Variants in NLN observed in about 807,000 individuals in gnomAD.
NLN encodes the protein neurolysin, mitochondrial.
Under a neutral mutation model 79.9 loss-of-function variants are expected in NLN, and 64 were observed. The ratio of observed to expected loss-of-function variants is 0.80; its 90% confidence interval spans 0.65 to 0.99. The LOEUF (loss-of-function observed/expected upper bound fraction) is 0.99. Among genes scored for constraint, NLN ranks in the 50% least tolerant of loss-of-function variants. NLN has a pLI of 0.00. For missense variants in NLN, 835 were observed against 858.7 expected, an observed-to-expected ratio of 0.97 and a Z score of 0.34; for synonymous variants, 267 against 296.6, an observed-to-expected ratio of 0.90 and a Z score of 1.02.
chr5:65,777,593 CTGGT>C, intron 4 of NLN, 59 bp downstream of exon 4: 1 of 1,131,412 alleles, frequency 8.8e-7, no homozygotes, highest in Non-Finnish European at 1.3e-6. Context: ...AAACAAAATA[CTGGT>C]TGAACATCCC....
chr5:65,764,554 T>G (rs1759411169), intron 3 of NLN, among the ~76,000 whole-genome samples: 1 of 152,214 alleles, frequency 6.6e-6, no homozygotes, highest in South Asian at 2.1e-4. Flanking sequence ...AAATTTTCTA[T>G]AGTTTTGGGA....
At chr5:65,765,304 G>T (rs1314163058) in intron 3 of NLN, among the ~76,000 whole-genome samples, 1 of 152,154 alleles carries the variant, frequency 6.6e-6, no homozygotes, top group Non-Finnish European at 1.5e-5. Context: ...GATCACGGGA[G>T]GTCAGAAGTT....
rs528694423 is a variant in NLN at position 65,781,926 on chromosome 5, T to A, written c.822+505T>A. Reference sequence around the variant, plus strand: ...TCTTCCTGGTTGTAGCTTCTCATAATCCAGCAAACTATAAAAGGAAGACAA... The same window carrying A: ...TCTTCCTGGTTGTAGCTTCTCATAAACCAGCAAACTATAAAAGGAAGACAA... On this transcript the variant is annotated intron_variant, in intron 6 of 12. Coordinates refer to ENST00000380985, the MANE Select transcript of NLN (RefSeq NM_020726.5). Among the ~76,000 whole-genome samples the A allele has an allele frequency of 2.0e-5, 3 of 152,112 alleles. No homozygotes were observed. In the South Asian group the frequency reaches 6.2e-4, roughly 32 times the overall value.
At chr5:65,768,703 G>C (rs1357451989) in intron 3 of NLN, among the ~76,000 whole-genome samples, 1 of 152,228 alleles carries the variant, frequency 6.6e-6, no homozygotes, top group African/African-American at 2.4e-5. Flanking sequence ...TTCCTGGCTT[G>C]CAAATGGCCC....
intron 6 of NLN, 86 bp from the exon 7 acceptor site, chr5:65,785,689 A>G: frequency 9.0e-7 from 1 of 1,114,694 alleles, no homozygotes; most frequent in Admixed American, 2.1e-5. Context: ...TTACAAACCT[A>G]AAAATACATA....
chr5:65,826,054 A>G lies in NLN; in HGVS notation c.*3139A>G, dbSNP rs966115480. 2.0e-5 allele frequency: 3 copies of G among 152,246 alleles called. No individual in the cohort carries two copies. Among genetic ancestry groups the G allele is most frequent in the African/African-American group, 7.2e-5 (3 of 41,464 alleles). The allele number at this position is 152,246 out of a possible 1,614,324, so 9.4% of individuals were successfully genotyped here. On this transcript the variant is annotated 3_prime_UTR_variant, in exon 13 of 13. Transcript: ENST00000380985. ...TGGAAGCTGGGAAGTCCCACAATCC[A>G]CATGCTGGTAAATTTGGTTCGTGGT...
At chr5:65,750,484 CA>C (rs1759081181) in intron 1 of NLN, among the ~76,000 whole-genome samples, 1 of 152,126 alleles carries the variant, frequency 6.6e-6, no homozygotes, top group Admixed American at 6.5e-5. Flanking sequence ...TTTGGGAGGC[CA>C]AAGCGGGTGG....
At chr5:65,768,223 C>T (rs1200168900) in intron 3 of NLN, among the ~76,000 whole-genome samples, 1 of 152,118 alleles carries the variant, frequency 6.6e-6, no homozygotes, top group Non-Finnish European at 1.5e-5. Context: ...TAAAGAATAC[C>T]TGAGACTAGG....
intron 12 of NLN, among the ~76,000 whole-genome samples, chr5:65,820,269 C>A (rs929725066): frequency 2.6e-5 from 4 of 152,142 alleles, no homozygotes; most frequent in Non-Finnish European, 1.5e-5. Flanking sequence ...ATAAAAGATA[C>A]ATGATACATA....
intron 3 of NLN, among the ~76,000 whole-genome samples, chr5:65,775,525 C>T (rs1340320620): frequency 6.6e-6 from 1 of 152,238 alleles, no homozygotes; most frequent in African/African-American, 2.4e-5. Flanking sequence ...CTGCACATAA[C>T]TACAGCCTGG....
intron 12 of NLN, among the ~76,000 whole-genome samples, chr5:65,818,327 G>A (rs1231340466): frequency 6.6e-6 from 1 of 152,134 alleles, no homozygotes; most frequent in Non-Finnish European, 1.5e-5. Flanking sequence ...TTTAATTAAT[G>A]TTTTACATAT....
At chr5:65,802,830 G>A (rs1741863280) in intron 9 of NLN, among the ~76,000 whole-genome samples, 1 of 151,952 alleles carries the variant, frequency 6.6e-6, no homozygotes, top group African/African-American at 2.4e-5. Context: ...AGGTCATCCT[G>A]TAGAGGGTTC....
chr5:65,777,908 T>G (rs1759716441), intron 4 of NLN, among the ~76,000 whole-genome samples: 1 of 152,196 alleles, frequency 6.6e-6, no homozygotes, highest in Non-Finnish European at 1.5e-5. Context: ...ATTCTACAAC[T>G]CCTGTTAACC....
chr5:65,744,058 T>C lies in NLN; in HGVS notation c.42-14509T>C, dbSNP rs186971078. ...AATTTGTTACCTGATATTCTGTTAT[T>C]TCATTATTATTTTTAGAGACAGGGT... On this transcript the variant is annotated intron_variant, in intron 1 of 12. Coordinates refer to ENST00000380985, the MANE Select transcript of NLN (RefSeq NM_020726.5). Among the ~76,000 whole-genome samples, 175 of 152,356 alleles carry C rather than the reference T, an allele frequency of 1.1e-3. 2 individuals carry two copies. Among genetic ancestry groups the C allele is most frequent in the Non-Finnish European group, 2.8e-4 (19 of 68,046 alleles).
chr5:65,802,458 A>G (rs1760306629), intron 9 of NLN, among the ~76,000 whole-genome samples: 1 of 152,230 alleles, frequency 6.6e-6, no homozygotes, highest in Non-Finnish European at 1.5e-5. Flanking sequence ...ATAGCCCCAA[A>G]GAAGGTATCA....
intron 4 of NLN, among the ~76,000 whole-genome samples, chr5:65,779,037 A>G (rs527511473): frequency 4.6e-5 from 7 of 152,186 alleles, no homozygotes; most frequent in Non-Finnish European, 1.0e-4. Context: ...TATGTGAACT[A>G]CATGGGCGCT....
chr5:65,730,400 C>T (rs1579904865), intron 1 of NLN, among the ~76,000 whole-genome samples: 1 of 152,236 alleles, frequency 6.6e-6, no homozygotes, highest in Middle Eastern at 3.4e-3. Context: ...ACGGCACACA[C>T]CAAGGCTCTG....
Position 65,777,539 on chromosome 5 carries a change from G to A in NLN, c.558+5G>A, listed in dbSNP as rs1579942769. ...CTTCCTGAACAAGTACAGAATGTGA[G>A]TTTATGTTTTCTTTTCTTATCAGAA... On this transcript the variant is annotated splice_donor_5th_base_variant and intron_variant, in intron 4 of 12. Transcript: ENST00000380985. 5 of 1,499,800 alleles carry A rather than the reference G, an allele frequency of 3.3e-6. No individual in the cohort carries two copies. Among genetic ancestry groups the A allele is most frequent in the East Asian group, 2.3e-5 (1 of 44,148 alleles). 92.9% of individuals were successfully genotyped at this position (1,499,800 alleles called of 1,614,324 possible).
chr5:65,725,985 G>A (rs1216994889), intron 1 of NLN, among the ~76,000 whole-genome samples: 9 of 152,062 alleles, frequency 5.9e-5, no homozygotes, highest in East Asian at 1.9e-4. Context: ...GGTGGCGGGC[G>A]CCTGTAGTCC....
Sources: allele counts gnomAD v4.1 joint callset (sites outside exome capture counted in the v4.1 genomes callset), GRCh38; gene constraint gnomAD v4.1.1; transcripts MANE v1.5; gene names NCBI Gene and HGNC (gene_info 2026-07-23, HGNC 2026-07-21).